WASF2: variants seen among roughly 807,000 people sequenced by gnomAD.
The protein encoded by WASF2 is WASP family member 2.
Under a neutral mutation model 45.0 loss-of-function variants are expected in WASF2, and 14 were observed. The observed-to-expected ratio is 0.31, with a 90% CI of 0.21 to 0.49. The LOEUF (loss-of-function observed/expected upper bound fraction) is 0.49. Ranked by LOEUF, WASF2 falls within the 20% of genes least tolerant of loss-of-function variation. The pLI, the probability that WASF2 is intolerant of heterozygous loss-of-function variation, is 0.99. For synonymous variants in WASF2, 200 were observed against 236.3 expected (o/e 0.85, Z 1.41); for missense variants, 439 against 636.1 (o/e 0.69, Z 3.33).
rs1431153124 is a variant in WASF2, at chr1:27,405,598, CCTTTTTTTTTTTT to C, written c.*2578_*2590del. 12 of 92,742 alleles carry C rather than the reference CCTTTTTTTTTTTT, an allele frequency of 1.3e-4. No homozygotes were observed. In the Admixed American group the frequency reaches 1.7e-3, roughly 13 times the overall value. 5.7% of individuals were successfully genotyped at this position (92,742 alleles called of 1,614,324 possible). ...TTAAAGGGCTCTGGGTCTAAAGAAG[CCTTTTTTTTTTTT>C]TTTTTTTTTTTTTTTTTTTTGGTGC... On this transcript the variant is annotated 3_prime_UTR_variant, in exon 9 of 9. Coordinates refer to ENST00000618852, the MANE Select transcript of WASF2 (RefSeq NM_006990.5).
intron 1 of WASF2, among the ~76,000 whole-genome samples, chr1:27,489,360 C>A (rs1353151802): frequency 2.8e-4 from 38 of 135,322 alleles, no homozygotes; most frequent in African/African-American, 1.1e-3. Flanking sequence ...CACACACACA[C>A]ACACACACAC....
At chr1:27,456,098 G>A (rs562638475) in intron 1 of WASF2, among the ~76,000 whole-genome samples, 21 of 151,976 alleles carry the variant, frequency 1.4e-4, no homozygotes, top group East Asian at 3.9e-4. Context: ...CGAGGCAGGC[G>A]GATCACGAGG....
At chr1:27,420,858 A>C (rs980698367) in intron 2 of WASF2, among the ~76,000 whole-genome samples, 1 of 152,106 alleles carries the variant, frequency 6.6e-6, no homozygotes, top group African/African-American at 2.4e-5. Flanking sequence ...GAAGGCACGC[A>C]TAAGAGACTG....
chr1:27,410,287 G>A lies in WASF2; in HGVS notation c.825-81C>T, dbSNP rs2016745198. The A allele has an allele frequency of 1.3e-5, 20 of 1,564,954 alleles. No homozygotes were observed. The highest frequency in any genetic ancestry group is 1.1e-4 in the Admixed American group (6 of 54,648). The stretch of plus-strand genomic sequence containing the variant: ...CTACAGTTAGCCTTGTCTACAGACC[G>A]AGGTTTATCTTGGTTGACTATACCA... On this transcript the variant is annotated intron_variant, in intron 7 of 8. Transcript: ENST00000618852. This position sits in a 1 kb window ranked among gnomAD's most constrained non-coding sequence, Gnocchi z 4.2.
At chr1:27,447,707 C>A (rs1277677876) in intron 1 of WASF2, among the ~76,000 whole-genome samples, 1 of 152,144 alleles carries the variant, frequency 6.6e-6, no homozygotes, top group Non-Finnish European at 1.5e-5. Context: ...TGATGATGAT[C>A]ACAGTGCTCC....
intron 6 of WASF2, among the ~76,000 whole-genome samples, chr1:27,413,692 C>G (rs2016793716): frequency 6.6e-6 from 1 of 152,206 alleles, no homozygotes; most frequent in South Asian, 2.1e-4. Flanking sequence ...AAATCCTCAT[C>G]TTCCTACTCC....
intron 2 of WASF2, among the ~76,000 whole-genome samples, chr1:27,420,514 CTTT>C (rs782294669): frequency 2.4e-5 from 2 of 82,496 alleles, no homozygotes; most frequent in South Asian, 5.6e-4. Flanking sequence ...ACCATCTGAG[CTTT>C]TTTTTTTTTT....
At position 27,404,383 on chromosome 1, in the gene WASF2, G is replaced by C. The variant is rs530405865; in HGVS notation, c.*3806C>G. 6.6e-6 allele frequency: 1 copy of C among 152,388 alleles called. No individual in the cohort carries two copies. Among genetic ancestry groups the C allele is most frequent in the Non-Finnish European group, 1.5e-5 (1 of 68,066 alleles). The allele number at this position is 152,388 out of a possible 1,614,324, so 9.4% of individuals were successfully genotyped here. ...GGAAGCAAATGAGACCAGGCTTGGA[G>C]CTACAGGGATTTAAAAAAATTGGAT... On this transcript the variant is annotated 3_prime_UTR_variant, in exon 9 of 9. Coordinates refer to ENST00000618852, the MANE Select transcript of WASF2 (RefSeq NM_006990.5).
chr1:27,460,490 G>A (rs1245294414), intron 1 of WASF2, among the ~76,000 whole-genome samples: 1 of 152,172 alleles, frequency 6.6e-6, no homozygotes, highest in African/African-American at 2.4e-5. Flanking sequence ...TCACATTTGT[G>A]AAAACTAAAC....
At position 27,418,889 on chromosome 1, in the gene WASF2, C is replaced by T; in HGVS notation, c.265+65G>A. The T allele has an allele frequency of 4.6e-6, 7 of 1,513,282 alleles. No homozygotes were observed. The South Asian group carries it at 5.0e-5, about 11-fold the overall frequency. 93.7% of individuals were successfully genotyped at this position (1,513,282 alleles called of 1,614,324 possible). Reference sequence around the variant, plus strand: ...CACGTTTTTTTTTTTTTAAATAAATCAGGGAAAAAAAATTCTACAAAACTG... The same window carrying T: ...CACGTTTTTTTTTTTTTAAATAAATTAGGGAAAAAAAATTCTACAAAACTG... On this transcript the variant is annotated intron_variant, in intron 3 of 8. Coordinates refer to ENST00000618852, the MANE Select transcript of WASF2 (RefSeq NM_006990.5).
chr1:27,440,316 G>A (rs933277205), intron 1 of WASF2, among the ~76,000 whole-genome samples: 1 of 152,184 alleles, frequency 6.6e-6, no homozygotes, highest in African/African-American at 2.4e-5. Flanking sequence ...TTGAGCTCAC[G>A]CTTTTTAGAC....
At chr1:27,466,558 T>A (rs1446727565) in intron 1 of WASF2, among the ~76,000 whole-genome samples, 2 of 152,134 alleles carry the variant, frequency 1.3e-5, no homozygotes, top group South Asian at 2.1e-4. Context: ...AGCACCAACT[T>A]TCAAAGATTT....
chr1:27,488,324 G>C (rs1239688644), intron 1 of WASF2, among the ~76,000 whole-genome samples: 1 of 152,160 alleles, frequency 6.6e-6, no homozygotes, highest in Non-Finnish European at 1.5e-5. Context: ...TCACTCATTA[G>C]AAGTCAAAAA....
chr1:27,412,858 C>T lies in WASF2; in HGVS notation c.669-131G>A, dbSNP rs143638381. ...AGAAGTAAAATAGGTATATTTCCCA[C>T]ATATTTTCTGTTACACTGAAATTTT... On this transcript the variant is annotated intron_variant, in intron 6 of 8. Transcript: ENST00000618852. The T allele has an allele frequency of 1.8e-4, 183 of 1,017,660 alleles. No homozygotes were observed. The African/African-American group carries it at 2.0e-3, about 11-fold the overall frequency. The allele number at this position is 1,017,660 out of a possible 1,614,324, so 63.0% of individuals were successfully genotyped here. A position where few individuals can be genotyped will look rare whatever the true frequency, so the allele number is the denominator to read the frequency against.
At chr1:27,480,492 G>A (rs975324802) in intron 1 of WASF2, among the ~76,000 whole-genome samples, 2 of 150,720 alleles carry the variant, frequency 1.3e-5, no homozygotes, top group Non-Finnish European at 2.9e-5. Context: ...ACTCCAGCCT[G>A]GAAACAGAAT....
chr1:27,416,173 CACCT>C, intron 4 of WASF2, 71 bp from the exon 5 acceptor site: 2 of 1,322,116 alleles, frequency 1.5e-6, no homozygotes, highest in Non-Finnish European at 2.2e-6. Flanking sequence ...ATATTCCAAA[CACCT>C]ACCAGTTAGC....
At chr1:27,420,615 G>A (rs904298891) in intron 2 of WASF2, among the ~76,000 whole-genome samples, 3 of 128,116 alleles carry the variant, frequency 2.3e-5, no homozygotes, top group African/African-American at 8.6e-5. Flanking sequence ...TCTGCCTCCC[G>A]CGTTCAAGTG....
At position 27,410,076 on chromosome 1, in the gene WASF2, G is replaced by A; in HGVS notation, c.955C>T (p.Pro319Ser). The A allele has an allele frequency of 1.2e-6, 2 of 1,613,252 alleles. No homozygotes were observed. Among genetic ancestry groups the A allele is most frequent in the Non-Finnish European group, 1.7e-6 (2 of 1,179,534 alleles). The change falls in exon 8 of 9, where the codon CCA (proline) becomes TCA (serine). Residue 319 changes from proline (P) to serine (S), a missense_variant. Coordinates refer to ENST00000618852, the MANE Select transcript of WASF2 (RefSeq NM_006990.5). The surrounding 1 kb of genome is among the most constrained non-coding windows in gnomAD (Gnocchi z 4.2). ...PPGPKPGFAP[P>S]PAPPPPPPPM... ...GGCGGAGGTGGCGGAGGGGCAGGTG[G>A]TGGAGCAAACCCGGGTTTAGGGCCT...
chr1:27,408,427 C>T lies in WASF2; in HGVS notation c.1340-81G>A. On this transcript the variant is annotated intron_variant, in intron 8 of 8. Coordinates refer to ENST00000618852, the MANE Select transcript of WASF2 (RefSeq NM_006990.5). ...TCTGGAACTGGGTAAGAGGGAGTGG[C>T]CACCAATGGGTAAGTGGTATTGGAA... The T allele has an allele frequency of 1.9e-6, 3 of 1,556,550 alleles. No individual in the cohort carries two copies. In the African/African-American group the frequency reaches 4.1e-5, roughly 21 times the overall value.
Sources: allele counts gnomAD v4.1 joint callset (sites outside exome capture counted in the v4.1 genomes callset), GRCh38; gene constraint gnomAD v4.1.1; non-coding constraint Gnocchi (gnomAD v3.1); transcripts MANE v1.5; gene names NCBI Gene and HGNC (gene_info 2026-07-23, HGNC 2026-07-21).